The following CEP63 variants were observed in gnomAD, a reference collection of about 807,000 sequenced individuals.
The protein encoded by CEP63 is centrosomal protein of 63 kDa.
CEP63 carries 84 observed loss-of-function variants against 89.1 expected under a neutral mutation model. The ratio of observed to expected loss-of-function variants is 0.94; its 90% confidence interval spans 0.79 to 1.13. The LOEUF (loss-of-function observed/expected upper bound fraction) is 1.13. Ranked by LOEUF, CEP63 falls within the 50% of genes most tolerant of loss-of-function variation. The pLI is 0.00. For missense variants in CEP63, 838 were observed against 813.3 expected, an observed-to-expected ratio of 1.03 and a Z score of -0.37; for synonymous variants, 267 against 272.5, an observed-to-expected ratio of 0.98 and a Z score of 0.20.
rs768219016 is a variant in CEP63, at chr3:134,561,367, T to C, written c.1954-10T>C. ...TTATTTACACATGTCAAAATTTGTGTCTCTTCCAGTGTTCCTTGCCTGTAT... is the reference window on the plus strand; with the variant it reads ...TTATTTACACATGTCAAAATTTGTGCCTCTTCCAGTGTTCCTTGCCTGTAT... On this transcript the variant is annotated splice_polypyrimidine_tract_variant and intron_variant, in intron 14 of 14. Coordinates refer to ENST00000675561, the MANE Select transcript of CEP63 (RefSeq NM_001353108.3). 1.2e-6 allele frequency: 2 copies of C among 1,612,456 alleles called. No homozygotes were observed. The highest frequency in any genetic ancestry group is 1.1e-5 in the South Asian group (1 of 91,056).
chr3:134,663,209 C>T, the CEP63 span, among the ~76,000 whole-genome samples: 1 of 152,232 alleles, frequency 6.6e-6, no homozygotes, highest in Non-Finnish European at 1.5e-5. Context: ...TCTAGGTCCA[C>T]CCCGTGCTCA....
chr3:134,629,054 C>T, the CEP63 span, among the ~76,000 whole-genome samples: 5 of 152,272 alleles, frequency 3.3e-5, no homozygotes, highest in East Asian at 1.9e-4. Context: ...GGGAGAGGAC[C>T]GAGAAGGGAG....
At chr3:134,511,715 G>A (rs889080760) in intron 3 of CEP63, among the ~76,000 whole-genome samples, 4 of 152,070 alleles carry the variant, frequency 2.6e-5, no homozygotes, top group East Asian at 1.9e-4. Flanking sequence ...AGGAGGAGAC[G>A]GAGCAAAGGG....
chr3:134,521,518 A>G (rs969422811), intron 3 of CEP63, among the ~76,000 whole-genome samples: 2 of 152,188 alleles, frequency 1.3e-5, no homozygotes, highest in Non-Finnish European at 2.9e-5. Context: ...TTTAAACACT[A>G]AAAGTCCTTG....
chr3:134,708,597 G>T, the CEP63 span, among the ~76,000 whole-genome samples: 1 of 152,194 alleles, frequency 6.6e-6, no homozygotes, highest in African/African-American at 2.4e-5. Context: ...TGTACTTCGT[G>T]TTCCCAGACT....
At chr3:134,742,328 G>T in the CEP63 span, among the ~76,000 whole-genome samples, 1 of 152,178 alleles carries the variant, frequency 6.6e-6, no homozygotes, top group Non-Finnish European at 1.5e-5. Context: ...GGATGAGAGA[G>T]TCTAGTGTGT....
At chr3:134,757,221 AG>A in the CEP63 span, among the ~76,000 whole-genome samples, 1 of 152,192 alleles carries the variant, frequency 6.6e-6, no homozygotes. Context: ...ACTGGATGCT[AG>A]GGAGCACCAG....
At chr3:134,486,307 A>C (rs1160049834) in intron 1 of CEP63, 105 bp downstream of exon 1, 1 of 985,432 alleles carries the variant, frequency 1.0e-6, no homozygotes, top group Non-Finnish European at 1.2e-6. Flanking sequence ...GAGGCGGCCC[A>C]GGCTGCCTTG....
In CEP63 at chr3:134,545,811, C is replaced by CT. The variant is rs1560001687; in HGVS notation, c.782dup (p.Leu262IlefsTer24). ...AGAAAAATTGAGGGAATCTGAAAAA[C>CT]TATTAGAGGTATGTTTTAAAATCAC... On this transcript the variant is annotated frameshift_variant, in exon 7 of 15. Coordinates refer to ENST00000675561, the MANE Select transcript of CEP63 (RefSeq NM_001353108.3). LOFTEE classifies it high-confidence loss of function. 9 of 1,609,266 alleles carry CT rather than the reference C, an allele frequency of 5.6e-6. No homozygotes were observed. Among genetic ancestry groups the CT allele is most frequent in the Non-Finnish European group, 7.7e-6 (9 of 1,176,068 alleles).
At chr3:134,774,526 G>T in the CEP63 span, among the ~76,000 whole-genome samples, 423 of 152,326 alleles carry the variant, frequency 2.8e-3, 2 homozygotes, top group Non-Finnish European at 4.6e-3. Flanking sequence ...AGCCAGACAG[G>T]GTTCCCCAGG....
chr3:134,561,665 G>T lies in CEP63; in HGVS notation c.*130G>T. On this transcript the variant is annotated 3_prime_UTR_variant, in exon 15 of 15. Transcript: ENST00000675561. Reference sequence around the variant, plus strand: ...ATGATACATCTAAAGCAGTGGTGAAGAAAGCTGAAAAACTGATACTTTTGA... The same window carrying T: ...ATGATACATCTAAAGCAGTGGTGAATAAAGCTGAAAAACTGATACTTTTGA... 6.7e-7 allele frequency: 1 copy of T among 1,483,846 alleles called. No individual in the cohort carries two copies. Among genetic ancestry groups the T allele is most frequent in the South Asian group, 1.4e-5 (1 of 72,698 alleles). The allele number at this position is 1,483,846 out of a possible 1,614,324, so 91.9% of individuals were successfully genotyped here. A position where few individuals can be genotyped will look rare whatever the true frequency, so the allele number is the denominator to read the frequency against.
intron 5 of CEP63, among the ~76,000 whole-genome samples, chr3:134,533,157 A>G (rs112330469): frequency 4.6e-5 from 7 of 152,178 alleles, no homozygotes; most frequent in African/African-American, 1.7e-4. Flanking sequence ...GTACGGAGAC[A>G]TATTTTTTTG....
At chr3:134,767,004 C>T in the CEP63 span, among the ~76,000 whole-genome samples, 1 of 152,146 alleles carries the variant, frequency 6.6e-6, no homozygotes, top group Non-Finnish European at 1.5e-5. Flanking sequence ...TGTACAGAGG[C>T]TACATAGCCA....
In CEP63 at chr3:134,496,077, T is replaced by C. The variant is rs150698655; in HGVS notation, c.44+713T>C. Among the ~76,000 whole-genome samples the C allele has an allele frequency of 8.5e-5, 13 of 152,358 alleles. No homozygotes were observed. In the East Asian group the frequency reaches 2.5e-3, roughly 29 times the overall value. On this transcript the variant is annotated intron_variant, in intron 2 of 14. Transcript: ENST00000675561. Reference sequence around the variant, plus strand: ...TTTCACATACTGATTTCCTTTCCTTTGGATAGATTACCCAATAGTGTGCTT... The same window carrying C: ...TTTCACATACTGATTTCCTTTCCTTCGGATAGATTACCCAATAGTGTGCTT...
At chr3:134,706,008 T>A in the CEP63 span, among the ~76,000 whole-genome samples, 1 of 152,146 alleles carries the variant, frequency 6.6e-6, no homozygotes, top group Non-Finnish European at 1.5e-5. Context: ...ACCCATCATT[T>A]TACAGAAACT....
chr3:134,554,474 A>G (rs1955680666), intron 12 of CEP63, among the ~76,000 whole-genome samples: 2 of 145,936 alleles, frequency 1.4e-5, no homozygotes, highest in South Asian at 2.2e-4. Flanking sequence ...TTCTTAACCC[A>G]GTCTATCATT....
At chr3:134,541,319 A>T (rs1951945280) in intron 6 of CEP63, among the ~76,000 whole-genome samples, 1 of 152,072 alleles carries the variant, frequency 6.6e-6, no homozygotes, top group Admixed American at 6.5e-5. Flanking sequence ...TACCTAAGTC[A>T]AATTTCTTCT....
intron 6 of CEP63, among the ~76,000 whole-genome samples, chr3:134,544,426 A>C (rs572897870): frequency 2.0e-5 from 3 of 152,314 alleles, no homozygotes; most frequent in Admixed American, 1.3e-4. Flanking sequence ...GAGATGCATT[A>C]TATTTGTTTA....
chr3:134,608,952 C>A, the CEP63 span: 2 of 1,247,650 alleles, frequency 1.6e-6, no homozygotes, highest in African/African-American at 3.0e-5. Flanking sequence ...GCACCATCTC[C>A]GACCCTAACA....
Sources: allele counts gnomAD v4.1 joint callset (sites outside exome capture counted in the v4.1 genomes callset), GRCh38; gene constraint gnomAD v4.1.1; transcripts MANE v1.5; gene names NCBI Gene and HGNC (gene_info 2026-07-23, HGNC 2026-07-21).